The following HIVEP1 variants were observed in gnomAD, a reference collection of about 807,000 sequenced individuals.
HIVEP1 encodes the protein HIVEP zinc finger 1, also known as zinc finger protein 40.
Under a neutral mutation model 180.0 loss-of-function variants are expected in HIVEP1, and 36 were observed. The observed-to-expected ratio is 0.20, with a 90% confidence interval of 0.15 to 0.26. The LOEUF is 0.26. HIVEP1 is among the 10% of genes least tolerant of loss of function. HIVEP1 has a pLI of 1.00. For missense variants in HIVEP1, 3,143 were observed against 3,268.7 expected (o/e 0.96, Z 0.94); for synonymous variants, 1,239 against 1,239.0 (o/e 1.00, Z 0.00).
intron 3 of HIVEP1, among the ~76,000 whole-genome samples, chr6:12,103,063 T>C (rs1774204210): frequency 1.3e-5 from 2 of 152,046 alleles, no homozygotes; most frequent in Admixed American, 1.3e-4. Flanking sequence ...TTAGTTTCAC[T>C]GAAGCTAAAA....
downstream of HIVEP1, among the ~76,000 whole-genome samples, chr6:12,168,235 ATATAT>A (rs1168800175): frequency 2.3e-5 from 3 of 131,214 alleles, no homozygotes; most frequent in African/African-American, 5.9e-5. Flanking sequence ...TTATATACAT[ATATAT>A]TATATATACA....
Position 12,130,652 on chromosome 6 carries a change from T to C in HIVEP1, c.6210-115T>C, listed in dbSNP as rs994466467. The C allele has an allele frequency of 5.5e-6, 3 of 547,502 alleles. No individual in the cohort carries two copies. In the East Asian group the frequency reaches 8.6e-5, roughly 16 times the overall value. The allele number at this position is 547,502 out of a possible 1,614,324, so 33.9% of individuals were successfully genotyped here. On this transcript the variant is annotated intron_variant, in intron 5 of 8. Transcript: ENST00000379388. ...CTGTTACACATGCATAAAATTGTTA[T>C]TGGTTGAGTATAAAAGTTGTGCCTT...
Position 12,023,407 on chromosome 6 carries a change from C to G in HIVEP1, c.40+7739C>G, listed in dbSNP as rs577553943. On this transcript the variant is annotated intron_variant, in intron 2 of 8. Coordinates refer to ENST00000379388, the MANE Select transcript of HIVEP1 (RefSeq NM_002114.4). ...ACATTTGAATGTTAGGTCAGCAGTT[C>G]CATGCTGACAGCCTTAAGATTTGAG... Among the ~76,000 whole-genome samples the G allele has an allele frequency of 3.3e-5, 5 of 152,278 alleles. No homozygotes were observed. The South Asian group carries it at 1.0e-3, about 32-fold the overall frequency.
chr6:12,033,762 GT>G (rs1769106319), intron 2 of HIVEP1, among the ~76,000 whole-genome samples: 2 of 152,154 alleles, frequency 1.3e-5, no homozygotes, highest in Admixed American at 6.5e-5. Flanking sequence ...AAAATATTAA[GT>G]TTTTAAAAGC....
intron 3 of HIVEP1, among the ~76,000 whole-genome samples, chr6:12,112,417 A>T (rs1009175020): frequency 2.7e-5 from 4 of 148,806 alleles, no homozygotes; most frequent in Admixed American, 6.7e-5. Context: ...CTTTATGCTT[A>T]TTCTTTCGTA....
chr6:12,008,573 C>G (rs1261867486), upstream of HIVEP1: 1 of 152,000 alleles, frequency 6.6e-6, no homozygotes, highest in Non-Finnish European at 1.5e-5. Flanking sequence ...TGGGTCCTTT[C>G]CCGCGACTAC....
At chr6:12,203,863 G>A in the HIVEP1 span, among the ~76,000 whole-genome samples, 1 of 152,156 alleles carries the variant, frequency 6.6e-6, no homozygotes, top group Non-Finnish European at 1.5e-5. Flanking sequence ...GATCACCTGA[G>A]GTCAGGAGTT....
chr6:12,129,205 G>C (rs9369103), intron 4 of HIVEP1, among the ~76,000 whole-genome samples: 62,162 of 151,938 alleles, frequency 0.41, 13,074 homozygotes, highest in Non-Finnish European at 0.46. Flanking sequence ...AAGACCCCAT[G>C]TCAAAAAAGA....
intron 7 of HIVEP1, 109 bp from the exon 8 acceptor site, chr6:12,161,330 T>C: frequency 9.4e-7 from 1 of 1,063,116 alleles, no homozygotes; most frequent in East Asian, 2.4e-5. Flanking sequence ...GGCAGGGTCC[T>C]TGTCTTTTAT....
intron 1 of HIVEP1, among the ~76,000 whole-genome samples, chr6:12,014,212 C>G (rs570592664): frequency 6.6e-6 from 1 of 152,180 alleles, no homozygotes; most frequent in African/African-American, 2.4e-5. Flanking sequence ...GCTTTGAACC[C>G]ACTCCGGTTT....
chr6:12,065,346 C>T (rs960045943), intron 2 of HIVEP1, among the ~76,000 whole-genome samples: 5 of 152,146 alleles, frequency 3.3e-5, no homozygotes, highest in Non-Finnish European at 7.3e-5. Flanking sequence ...ACATTTAACA[C>T]AAGAAGAGGT....
At chr6:12,050,949 C>T (rs1770474154) in intron 2 of HIVEP1, among the ~76,000 whole-genome samples, 1 of 143,180 alleles carries the variant, frequency 7.0e-6, no homozygotes, top group Non-Finnish European at 1.5e-5. Flanking sequence ...GCCGTTGCTT[C>T]CAGGCCTGTT....
At chr6:12,052,663 G>A (rs1770615698) in intron 2 of HIVEP1, among the ~76,000 whole-genome samples, 1 of 152,162 alleles carries the variant, frequency 6.6e-6, no homozygotes, top group African/African-American at 2.4e-5. Flanking sequence ...GGAGTCTCTT[G>A]CCTTGTATCA....
intron 2 of HIVEP1, among the ~76,000 whole-genome samples, chr6:12,018,258 C>T (rs1006703058): frequency 2.6e-5 from 4 of 152,208 alleles, no homozygotes; most frequent in African/African-American, 9.6e-5. Flanking sequence ...CGTTCCTGCC[C>T]GCGCTTCTTC....
intron 2 of HIVEP1, among the ~76,000 whole-genome samples, chr6:12,056,890 G>A (rs1250166631): frequency 6.6e-6 from 1 of 151,390 alleles, no homozygotes; most frequent in East Asian, 1.9e-4. Flanking sequence ...AGGCTGGAGT[G>A]CAGTGGCATG....
In HIVEP1 at chr6:12,124,475, C is replaced by T; in HGVS notation, c.4680C>T (p.Tyr1560=). 6.2e-7 allele frequency: 1 copy of T among 1,614,146 alleles called. No individual in the cohort carries two copies. The highest frequency in any genetic ancestry group is 8.5e-7 in the Non-Finnish European group (1 of 1,180,010). Residue 1560 remains tyrosine, a synonymous_variant, in exon 4 of 9, where the codon TAC becomes TAT. Transcript: ENST00000379388. ...GTGAGGATTGCTTTGCTCCCAAATA[C>T]CAATTGCATTGTCAGGTTTTCACTT... ...SKSEDCFAPK[Y]QLHCQVFTSG...
chr6:12,069,625 T>C (rs1029604177), intron 2 of HIVEP1, among the ~76,000 whole-genome samples: 1 of 148,792 alleles, frequency 6.7e-6, no homozygotes, highest in African/African-American at 2.5e-5. Flanking sequence ...TAATGCTAGA[T>C]GACGAGTTAG....
At chr6:12,128,260 G>A (rs1193327295) in intron 4 of HIVEP1, among the ~76,000 whole-genome samples, 1 of 152,206 alleles carries the variant, frequency 6.6e-6, no homozygotes. Flanking sequence ...GCCAGGAAAA[G>A]AGAAGGAAAG....
intron 3 of HIVEP1, among the ~76,000 whole-genome samples, chr6:12,117,278 A>G (rs1267355944): frequency 6.6e-6 from 1 of 152,208 alleles, no homozygotes; most frequent in Non-Finnish European, 1.5e-5. Context: ...TAGATAACTA[A>G]GTATAAACAA....
Sources: allele counts gnomAD v4.1 joint callset (sites outside exome capture counted in the v4.1 genomes callset), GRCh38; gene constraint gnomAD v4.1.1; transcripts MANE v1.5; gene names NCBI Gene and HGNC (gene_info 2026-07-23, HGNC 2026-07-21).